PCSK5: variants seen among roughly 807,000 people sequenced by gnomAD.
PCSK5 encodes the protein proprotein convertase subtilisin/kexin type 5.
PCSK5 carries 129 observed loss-of-function variants against 233.2 expected under a neutral mutation model. The ratio of observed to expected loss-of-function variants is 0.55; its 90% CI spans 0.48 to 0.64. PCSK5 has a LOEUF of 0.64. Ranked by LOEUF, PCSK5 falls within the 30% of genes least tolerant of loss-of-function variation. PCSK5 has a pLI of 0.00. For synonymous variants in PCSK5, 825 were observed against 879.2 expected, an observed-to-expected ratio of 0.94 and a Z score of 1.09; for missense variants, 2,076 against 2,430.1, an observed-to-expected ratio of 0.85 and a Z score of 3.06.
chr9:75,930,248 C>T (rs1823721212), intron 1 of PCSK5, among the ~76,000 whole-genome samples: 1 of 152,112 alleles, frequency 6.6e-6, no homozygotes, highest in Admixed American at 6.5e-5. Context: ...GGGTCCCTCC[C>T]ACAACATGAG....
intron 5 of PCSK5, among the ~76,000 whole-genome samples, chr9:76,066,761 G>C (rs1027955408): frequency 6.6e-6 from 1 of 152,180 alleles, no homozygotes; most frequent in Non-Finnish European, 1.5e-5. Flanking sequence ...CCTATCAGTT[G>C]TAAGCAGTAA....
At chr9:76,264,992 A>G (rs1418888680) in intron 24 of PCSK5, among the ~76,000 whole-genome samples, 1 of 152,190 alleles carries the variant, frequency 6.6e-6, no homozygotes, top group Non-Finnish European at 1.5e-5. Flanking sequence ...AATAGCAAAC[A>G]TATGGAATAA....
At chr9:76,349,035 G>A (rs1048893141) in intron 35 of PCSK5, among the ~76,000 whole-genome samples, 1 of 152,076 alleles carries the variant, frequency 6.6e-6, no homozygotes, top group East Asian at 1.9e-4. Context: ...ACTTTGGGAG[G>A]CTGAGGTGGG....
At chr9:75,995,340 C>G (rs576773788) in intron 3 of PCSK5, among the ~76,000 whole-genome samples, 1 of 152,148 alleles carries the variant, frequency 6.6e-6, no homozygotes, top group East Asian at 1.9e-4. Flanking sequence ...ATATAATAGG[C>G]CTTTATAAAT....
chr9:76,180,894 G>GTTT (rs33951103), intron 15 of PCSK5, among the ~76,000 whole-genome samples: 1 of 143,254 alleles, frequency 7.0e-6, no homozygotes, highest in Non-Finnish European at 1.5e-5. Context: ...AAACAAGGAA[G>GTTT]TTTTTTTTTT....
intron 5 of PCSK5, among the ~76,000 whole-genome samples, chr9:76,042,851 C>T (rs745859908): frequency 3.9e-5 from 6 of 152,142 alleles, no homozygotes; most frequent in South Asian, 2.1e-4. Flanking sequence ...TTTTAATGAA[C>T]GTGCATCGCA....
At chr9:76,318,017 A>G (rs1330804173) in intron 30 of PCSK5, among the ~76,000 whole-genome samples, 1 of 152,170 alleles carries the variant, frequency 6.6e-6, no homozygotes. Context: ...CTAATGGATC[A>G]TGATAGAAAG....
chr9:76,301,880 C>A (rs1366053920), intron 27 of PCSK5, among the ~76,000 whole-genome samples: 2 of 151,970 alleles, frequency 1.3e-5, no homozygotes, highest in Non-Finnish European at 2.9e-5. Context: ...ATGCTAATGA[C>A]AAGAGAAAAT....
At chr9:76,166,735 C>T (rs918937844) in intron 12 of PCSK5, among the ~76,000 whole-genome samples, 3 of 152,286 alleles carry the variant, frequency 2.0e-5, no homozygotes, top group South Asian at 2.1e-4. Flanking sequence ...ATGGCCTCAA[C>T]GAATTAGAGC....
chr9:75,940,910 TAAAG>T (rs1282984789), intron 2 of PCSK5, among the ~76,000 whole-genome samples: 2 of 152,238 alleles, frequency 1.3e-5, no homozygotes, highest in Admixed American at 6.5e-5. Context: ...ACTTTGGAGT[TAAAG>T]AACCTTATTT....
Position 75,891,068 on chromosome 9 carries a change from G to GCTGCGGCGGCCCGGGGCTGCGAA in PCSK5, c.-94_-93insGAACTGCGGCGGCCCGGGGCTGC. ...TCCTGCCGATCGCCCGGGGCTGCGA[G>GCTGCGGCGGCCCGGGGCTGCGAA]CTGCGGCGGCCCGGGGCTGCTCGCC... On this transcript the variant is annotated 5_prime_UTR_variant, in exon 1 of 38. Transcript: ENST00000674117. 2.0e-6 allele frequency: 2 copies of GCTGCGGCGGCCCGGGGCTGCGAA among 995,100 alleles called. No individual in the cohort carries two copies. Among genetic ancestry groups the GCTGCGGCGGCCCGGGGCTGCGAA allele is most frequent in the Non-Finnish European group, 2.7e-6 (2 of 744,064 alleles). 61.6% of individuals were successfully genotyped at this position (995,100 alleles called of 1,614,324 possible). A position where few individuals can be genotyped will look rare whatever the true frequency, so the allele number is the denominator to read the frequency against.
At chr9:76,048,459 A>T (rs895270376) in intron 5 of PCSK5, among the ~76,000 whole-genome samples, 1 of 152,220 alleles carries the variant, frequency 6.6e-6, no homozygotes, top group Non-Finnish European at 1.5e-5. Flanking sequence ...TCAAATCATC[A>T]TTAGTTTGTT....
At chr9:76,268,455 A>G (rs984643615) in intron 24 of PCSK5, among the ~76,000 whole-genome samples, 3 of 152,230 alleles carry the variant, frequency 2.0e-5, no homozygotes, top group Non-Finnish European at 4.4e-5. Flanking sequence ...TATGGTTCTC[A>G]GTCATAATCA....
At chr9:75,989,697 C>T (rs1278687201) in intron 3 of PCSK5, among the ~76,000 whole-genome samples, 1 of 152,138 alleles carries the variant, frequency 6.6e-6, no homozygotes, top group Non-Finnish European at 1.5e-5. Flanking sequence ...GGCCTCACCA[C>T]AGGGCTGTGT....
In PCSK5 at chr9:76,040,363, C is replaced by G. The variant is rs951912737; in HGVS notation, c.632+13326C>G. Among the ~76,000 whole-genome samples the G allele has an allele frequency of 8.3e-4, 53 of 63,904 alleles. No individual in the cohort carries two copies. In the East Asian group the frequency reaches 0.014, roughly 17 times the overall value. 41.9% of individuals were successfully genotyped at this position (63,904 alleles called of 152,430 possible). A position where few individuals can be genotyped will look rare whatever the true frequency, so the allele number is the denominator to read the frequency against. Reference sequence around the variant, plus strand: ...TCTCTCTCTCTCTCTCTCTCTCTCTCTCTCTCTCTCTCTCTCTCTCTGTCT... The same window carrying G: ...TCTCTCTCTCTCTCTCTCTCTCTCTGTCTCTCTCTCTCTCTCTCTCTGTCT... On this transcript the variant is annotated intron_variant, in intron 5 of 37. Transcript: ENST00000674117.
intron 20 of PCSK5, among the ~76,000 whole-genome samples, chr9:76,217,939 A>G (rs1407231870): frequency 1.3e-5 from 2 of 151,978 alleles, no homozygotes; most frequent in African/African-American, 2.4e-5. Flanking sequence ...CCTCACTTTC[A>G]TTCTCATCTG....
chr9:75,986,286 C>T (rs373371808), intron 3 of PCSK5, 41 bp downstream of exon 3: 58 of 1,159,446 alleles, frequency 5.0e-5, no homozygotes, highest in African/African-American at 1.2e-4. Context: ...CCATGTCATC[C>T]GGTTTTGTGT....
chr9:76,193,408 A>AAAAAC, intron 20 of PCSK5: 5 of 1,154,714 alleles, frequency 4.3e-6, no homozygotes, highest in Non-Finnish European at 4.4e-6. Context: ...CCATATTATT[A>AAAAAC]AAAAGAAAAA....
chr9:76,340,010 G>T (rs2453461), intron 35 of PCSK5, among the ~76,000 whole-genome samples: 1 of 151,992 alleles, frequency 6.6e-6, no homozygotes, highest in African/African-American at 2.4e-5. Flanking sequence ...ACTCAATGCT[G>T]TAGGGAACTC....
Sources: allele counts gnomAD v4.1 joint callset (sites outside exome capture counted in the v4.1 genomes callset), GRCh38; gene constraint gnomAD v4.1.1; transcripts MANE v1.5; gene names NCBI Gene and HGNC (gene_info 2026-07-23, HGNC 2026-07-21).